Variants in ABR observed in about 807,000 individuals in gnomAD.
ABR encodes active breakpoint cluster region-related protein.
ABR carries 35 observed loss-of-function variants against 107.2 expected under a neutral mutation model. That is an observed-to-expected ratio of 0.33 (90% CI 0.25 to 0.43). ABR has a LOEUF of 0.43. ABR is among the 20% of genes least tolerant of loss of function. The pLI, the probability that ABR is intolerant of heterozygous loss-of-function variation, is 1.00. For synonymous variants in ABR, 498 were observed against 462.0 expected (o/e 1.08, Z -1.00); for missense variants, 815 against 1,115.2 (o/e 0.73, Z 3.83).
Position 1,050,689 on chromosome 17 carries a change from C to T in ABR, c.1562-55G>A. 1 of 1,450,680 alleles carries T rather than the reference C, an allele frequency of 6.9e-7. No individual in the cohort carries two copies. Among genetic ancestry groups the T allele is most frequent in the Non-Finnish European group, 9.7e-7 (1 of 1,032,904 alleles). The allele number at this position is 1,450,680 out of a possible 1,614,324, so 89.9% of individuals were successfully genotyped here. A position where few individuals can be genotyped will look rare whatever the true frequency, so the allele number is the denominator to read the frequency against. On this transcript the variant is annotated intron_variant, in intron 14 of 22. Coordinates refer to ENST00000302538, the MANE Select transcript of ABR (RefSeq NM_021962.5). This position sits in a 1 kb window ranked among gnomAD's most constrained non-coding sequence, Gnocchi z 4.6. Reference sequence around the variant, plus strand: ...AGTGAGTGGGGCCAGGGTGGGGCAGCTGGGGCGGCACTCAGGATGGAGGGG... The same window carrying T: ...AGTGAGTGGGGCCAGGGTGGGGCAGTTGGGGCGGCACTCAGGATGGAGGGG...
At chr17:1,103,552 C>T (rs1219033373) in intron 2 of ABR, among the ~76,000 whole-genome samples, 3 of 152,222 alleles carry the variant, frequency 2.0e-5, no homozygotes, top group African/African-American at 7.2e-5. Flanking sequence ...CAGCCACAAA[C>T]AAGCTTCATC....
chr17:1,012,599 T>C, intron 18 of ABR, 89 bp downstream of exon 18: 1 of 937,148 alleles, frequency 1.1e-6, no homozygotes, highest in Non-Finnish European at 1.7e-6. Context: ...GGTGCCAGGA[T>C]GGGCACCGGC....
chr17:1,076,421 A>G (rs1365896648), intron 6 of ABR, among the ~76,000 whole-genome samples: 1 of 151,592 alleles, frequency 6.6e-6, no homozygotes. Flanking sequence ...TTCAGGGGGA[A>G]AAAATCACAC....
At chr17:1,227,413 C>T (rs2043242886) in intron 1 of ABR, among the ~76,000 whole-genome samples, 1 of 152,110 alleles carries the variant, frequency 6.6e-6, no homozygotes, top group Admixed American at 6.6e-5. Context: ...CAGGCTCTTC[C>T]CTTAAGTTAA....
At chr17:1,021,734 G>T (rs928771468) in intron 16 of ABR, among the ~76,000 whole-genome samples, 2 of 151,924 alleles carry the variant, frequency 1.3e-5, no homozygotes, top group Non-Finnish European at 2.9e-5. Context: ...AACCCGGGAG[G>T]CGGAGGTTGC....
intron 1 of ABR, chr17:1,153,732 G>C: frequency 6.0e-6 from 1 of 167,442 alleles, no homozygotes; most frequent in Non-Finnish European, 1.2e-5. Flanking sequence ...CGGGAGGGCT[G>C]GGGGTCCAGG....
Position 1,096,720 on chromosome 17 carries a change from G to T in ABR, c.345+3917C>A, listed in dbSNP as rs2020228. ...CCCGGGAGGAGAGAGCTGGGGAAGGGGGGGAACCTGCCCCGGGAGGAGAGA... is the reference window on the plus strand; with the variant it reads ...CCCGGGAGGAGAGAGCTGGGGAAGGTGGGGAACCTGCCCCGGGAGGAGAGA... On this transcript the variant is annotated intron_variant, in intron 3 of 22. Transcript: ENST00000302538. 2.6e-3 allele frequency among the ~76,000 whole-genome samples: 398 copies of T among 151,490 alleles called. 1 individual carries two copies. Among genetic ancestry groups the T allele is most frequent in the Middle Eastern group, 6.9e-3 (2 of 290 alleles).
At chr17:1,094,075 A>G (rs1424959862) in intron 3 of ABR, among the ~76,000 whole-genome samples, 3 of 149,240 alleles carry the variant, frequency 2.0e-5, no homozygotes, top group Non-Finnish European at 4.5e-5. Context: ...TCTGACCCTC[A>G]CCGTCCTAGA....
intron 3 of ABR, among the ~76,000 whole-genome samples, chr17:1,095,175 C>G (rs1467578218): frequency 6.6e-6 from 1 of 152,180 alleles, no homozygotes; most frequent in Non-Finnish European, 1.5e-5. Context: ...GCCAAGGAGA[C>G]GGGATTTCTC....
Position 1,050,072 on chromosome 17 carries a change from A to T in ABR, c.1769T>A (p.Ile590Asn), listed in dbSNP as rs1305454768. ...NKDNNEIVDK[I>N]MGKGQIQLDP... ...CACCTGGATCTGTCCTTTGCCCATG[A>T]TCTTGTCCACGATCTCATTGTTGTC... Residue 590 changes from isoleucine (I) to asparagine (N), a missense_variant, in exon 16 of 23, where the codon ATC becomes AAC. Ile to Asn is a moderately radical substitution (Grantham distance 149). Coordinates refer to ENST00000302538, the MANE Select transcript of ABR (RefSeq NM_021962.5). This position sits in a 1 kb window ranked among gnomAD's most constrained non-coding sequence, Gnocchi z 4.6. The T allele has an allele frequency of 6.2e-7, 1 of 1,614,020 alleles. No individual in the cohort carries two copies. Among genetic ancestry groups the T allele is most frequent in the South Asian group, 1.1e-5 (1 of 91,076 alleles).
chr17:1,099,635 T>C (rs1322435684), intron 3 of ABR, among the ~76,000 whole-genome samples: 2 of 152,196 alleles, frequency 1.3e-5, no homozygotes, highest in East Asian at 3.8e-4. Context: ...CTGCATAACA[T>C]CCAGACACAT....
chr17:1,203,400 C>CTT lies in ABR; in HGVS notation c.838+25392_838+25393insAA, dbSNP rs1567889055. ...CGGGGCCTTGAGGGGGCGGGGCCCG[C>CTT]GGGGGGCGGAGTCTGCGGGGGCGGG... On this transcript the variant is annotated intron_variant, in intron 1 of 22. Coordinates refer to the ABR transcript ENST00000574139. 1.4e-4 allele frequency among the ~76,000 whole-genome samples: 3 copies of CTT among 21,264 alleles called. 1 individual carries two copies. Among genetic ancestry groups the CTT allele is most frequent in the Non-Finnish European group, 3.0e-4 (3 of 9,996 alleles). 14.0% of individuals were successfully genotyped at this position (21,264 alleles called of 152,430 possible).
chr17:1,207,742 A>G (rs1345051436), intron 1 of ABR, among the ~76,000 whole-genome samples: 4 of 150,784 alleles, frequency 2.7e-5, no homozygotes, highest in Non-Finnish European at 5.9e-5. Flanking sequence ...AGCCTCTCTT[A>G]GAAGATCAGT....
Position 1,057,092 on chromosome 17 carries a change from G to A in ABR, c.1392C>T (p.Ala464=), listed in dbSNP as rs761584980. The A allele has an allele frequency of 4.3e-6, 7 of 1,609,586 alleles. No individual in the cohort carries two copies. The East Asian group carries it at 1.6e-4, about 36-fold the overall frequency. The stretch of plus-strand genomic sequence containing the variant: ...GGAGCTCCACTGAGCTCAGGACAAA[G>A]GCCTGGAGATCTGGAGGGAGAGCCG... ...IQKLQKKDLQ[A]FVLSSVELQV... Residue 464 remains alanine, a synonymous_variant, in exon 13 of 23, where the codon GCC becomes GCT. Coordinates refer to ENST00000302538, the MANE Select transcript of ABR (RefSeq NM_021962.5).
chr17:1,189,814 G>C (rs2042393777), upstream of ABR, among the ~76,000 whole-genome samples: 1 of 152,162 alleles, frequency 6.6e-6, no homozygotes. Context: ...TCTCCTGCTA[G>C]ACTGAGGTCT....
chr17:1,006,743 G>C (rs1477847289), intron 22 of ABR, among the ~76,000 whole-genome samples: 1 of 151,874 alleles, frequency 6.6e-6, no homozygotes, highest in East Asian at 1.9e-4. Flanking sequence ...CTCACCCTCC[G>C]CCAGCCACGG....
rs1287224005 is a variant in ABR at position 1,067,202 on chromosome 17, C to T, written c.1057G>A (p.Ala353Thr). 4.3e-6 allele frequency: 7 copies of T among 1,611,012 alleles called. No individual in the cohort carries two copies. Among genetic ancestry groups the T allele is most frequent in the South Asian group, 1.1e-5 (1 of 90,722 alleles). ...QYDCKWYIPL[A>T]DLVFPSPEES... Reference sequence around the variant, plus strand: ...TCGGGGGATGGAAACACCAGGTCGGCCAGGGGGATGTACCACTTACAGTCA... The same window carrying T: ...TCGGGGGATGGAAACACCAGGTCGGTCAGGGGGATGTACCACTTACAGTCA... Residue 353 changes from alanine to threonine, a missense_variant, in exon 10 of 23, where the codon GCC becomes ACC. By Grantham distance (58) the Ala-to-Thr change is moderately conservative. Coordinates refer to ENST00000302538, the MANE Select transcript of ABR (RefSeq NM_021962.5).
At chr17:1,060,422 A>G (rs2033790668) in intron 10 of ABR, among the ~76,000 whole-genome samples, 1 of 152,136 alleles carries the variant, frequency 6.6e-6, no homozygotes, top group East Asian at 1.9e-4. Context: ...AAAGAAAGAA[A>G]AAGAATCTGA....
rs544350036 is a variant in ABR, at chr17:1,009,980, G to C, written c.2237-196C>G. ...TCCTCCAGGAGGCCCCACCACGACTGGTAACTCAGCCAGGAGGCCGGCTGG... is the reference window on the plus strand; with the variant it reads ...TCCTCCAGGAGGCCCCACCACGACTCGTAACTCAGCCAGGAGGCCGGCTGG... On this transcript the variant is annotated intron_variant, in intron 20 of 22. Transcript: ENST00000302538. 1.3e-5 allele frequency: 8 copies of C among 603,830 alleles called. No homozygotes were observed. In the East Asian group the frequency reaches 1.9e-4, roughly 15 times the overall value. The allele number at this position is 603,830 out of a possible 1,614,324, so 37.4% of individuals were successfully genotyped here.
Sources: allele counts gnomAD v4.1 joint callset (sites outside exome capture counted in the v4.1 genomes callset), GRCh38; gene constraint gnomAD v4.1.1; non-coding constraint Gnocchi (gnomAD v3.1); transcripts MANE v1.5; gene names NCBI Gene and HGNC (gene_info 2026-07-23, HGNC 2026-07-21).